TCAIM: variants seen among roughly 807,000 people sequenced by gnomAD.
TCAIM encodes the protein T-cell activation inhibitor, mitochondrial.
Under a neutral mutation model 58.6 loss-of-function variants are expected in TCAIM, and 36 were observed. That is an observed-to-expected ratio of 0.61 (90% CI 0.47 to 0.81). TCAIM has a LOEUF of 0.81. Among genes scored for constraint, TCAIM ranks in the 30% least tolerant of loss-of-function variants. The pLI, the probability that TCAIM is intolerant of heterozygous loss-of-function variation, is 0.00. For synonymous variants in TCAIM, 172 were observed against 193.6 expected, an observed-to-expected ratio of 0.89 and a Z score of 0.93; for missense variants, 466 against 579.6, an observed-to-expected ratio of 0.80 and a Z score of 2.01.
rs1271294092 is a variant in TCAIM at position 44,393,174 on chromosome 3, A to T, written c.695+197A>T. Among the ~76,000 whole-genome samples, 3 of 152,186 alleles carry T rather than the reference A, an allele frequency of 2.0e-5. No individual in the cohort carries two copies. The East Asian group carries it at 5.8e-4, about 29-fold the overall frequency. On this transcript the variant is annotated intron_variant, in intron 6 of 10. Transcript: ENST00000342649. ...AATTTCTTATTTTAAATACTGAAATAAGGCTGTGCACAGTGGCTCTTGCCT... is the reference window on the plus strand; with the variant it reads ...AATTTCTTATTTTAAATACTGAAATTAGGCTGTGCACAGTGGCTCTTGCCT...
intron 1 of TCAIM, among the ~76,000 whole-genome samples, chr3:44,351,208 C>T (rs931364042): frequency 2.6e-5 from 4 of 152,074 alleles, no homozygotes; most frequent in Admixed American, 6.5e-5. Context: ...AGGCTGGTCT[C>T]GAACTCCTGA....
In TCAIM at chr3:44,387,430, AG is replaced by A. The variant is rs150838669; in HGVS notation, c.573-5422del. 7.7e-3 allele frequency among the ~76,000 whole-genome samples: 1,171 copies of A among 152,346 alleles called. 15 individuals carry two copies. The highest frequency in any genetic ancestry group is 0.027 in the African/African-American group (1,129 of 41,580). On this transcript the variant is annotated intron_variant, in intron 5 of 10. Transcript: ENST00000342649. ...CACCTAGGTCTGGGCTCCCCAAACCAGGGCTGTGACACCCTCTTTGGGACCC... is the reference window on the plus strand; with the variant it reads ...CACCTAGGTCTGGGCTCCCCAAACCAGGCTGTGACACCCTCTTTGGGACCC...
chr3:44,343,419 T>G (rs1449850969), intron 1 of TCAIM, among the ~76,000 whole-genome samples: 1 of 152,200 alleles, frequency 6.6e-6, no homozygotes, highest in Non-Finnish European at 1.5e-5. Context: ...ATTTAAAATT[T>G]TCTAAAAACT....
chr3:44,400,212 T>C, intron 8 of TCAIM, 143 bp from the exon 9 acceptor site: 1 of 654,248 alleles, frequency 1.5e-6, no homozygotes, highest in Non-Finnish European at 2.5e-6. Context: ...TACATTAAGT[T>C]TTTTTATCTC....
intron 10 of TCAIM, among the ~76,000 whole-genome samples, chr3:44,402,526 C>T (rs1177544710): frequency 6.6e-6 from 1 of 152,122 alleles, no homozygotes; most frequent in Non-Finnish European, 1.5e-5. Flanking sequence ...TAAGATATTG[C>T]TTGATAATGT....
chr3:44,369,348 A>C (rs776279148), intron 5 of TCAIM, among the ~76,000 whole-genome samples: 1 of 152,240 alleles, frequency 6.6e-6, no homozygotes, highest in African/African-American at 2.4e-5. Context: ...GATTGAATAC[A>C]TCAAGCCAAA....
chr3:44,352,180 G>A (rs998822284), intron 1 of TCAIM, among the ~76,000 whole-genome samples: 2 of 151,410 alleles, frequency 1.3e-5, no homozygotes, highest in South Asian at 2.1e-4. Flanking sequence ...TTGAGAGAAC[G>A]TGCTACTCAG....
chr3:44,361,522 C>A lies in TCAIM; in HGVS notation c.319+4C>A, dbSNP rs758995122. The A allele has an allele frequency of 8.2e-6, 13 of 1,584,762 alleles. No homozygotes were observed. Among genetic ancestry groups the A allele is most frequent in the Non-Finnish European group, 1.0e-5 (12 of 1,169,618 alleles). ...CAGGAACCTTTTAGTACTTCCGGTA[C>A]GTTTTTTATTTCTGGTGTGTCCCTT... is the stretch of plus-strand genomic sequence containing the variant. On this transcript the variant is annotated splice_donor_region_variant and intron_variant, in intron 4 of 10. Coordinates refer to ENST00000342649, the MANE Select transcript of TCAIM (RefSeq NM_173826.4).
At chr3:44,387,116 G>A (rs904573328) in intron 5 of TCAIM, among the ~76,000 whole-genome samples, 6 of 152,188 alleles carry the variant, frequency 3.9e-5, no homozygotes, top group Admixed American at 6.5e-5. Flanking sequence ...GCGGGAAGGA[G>A]TTACCCACTT....
In TCAIM at chr3:44,382,692, G is replaced by A. The variant is rs111717747; in HGVS notation, c.573-10163G>A. Among the ~76,000 whole-genome samples, 475 of 152,240 alleles carry A rather than the reference G, an allele frequency of 3.1e-3. 1 individual carries two copies. Among genetic ancestry groups the A allele is most frequent in the African/African-American group, 0.011 (448 of 41,546 alleles). On this transcript the variant is annotated intron_variant, in intron 5 of 10. Transcript: ENST00000342649. ...TGACATTGGATTTGCCAGTGATTTC[G>A]TGGATATAACACCTAAAACACAGGC...
At chr3:44,358,315 GA>G in intron 3 of TCAIM, 2 of 835,440 alleles carry the variant, frequency 2.4e-6, no homozygotes, top group Non-Finnish European at 4.0e-6. Flanking sequence ...TGTGCTCCAG[GA>G]ATACAAACTG....
chr3:44,404,440 C>T (rs1158835596), intron 10 of TCAIM, among the ~76,000 whole-genome samples: 1 of 152,136 alleles, frequency 6.6e-6, no homozygotes, highest in East Asian at 1.9e-4. Context: ...TCACCTGCTT[C>T]CTTAGCCTTT....
chr3:44,394,939 T>A lies in TCAIM; in HGVS notation c.696-1461T>A, dbSNP rs866011135. On this transcript the variant is annotated intron_variant, in intron 6 of 10. Transcript: ENST00000342649. Reference sequence around the variant, plus strand: ...AAAAAAAAATATATATATATATATATATATATATATATATATATATGTATA... The same window carrying A: ...AAAAAAAAATATATATATATATATAAATATATATATATATATATATGTATA... 2.3e-3 allele frequency among the ~76,000 whole-genome samples: 224 copies of A among 99,064 alleles called. 1 individual carries two copies. The highest frequency in any genetic ancestry group is 5.4e-3 in the African/African-American group (120 of 22,340). 65.0% of individuals were successfully genotyped at this position (99,064 alleles called of 152,430 possible).
intron 8 of TCAIM, among the ~76,000 whole-genome samples, chr3:44,399,683 T>G (rs1351847967): frequency 6.6e-6 from 1 of 152,228 alleles, no homozygotes; most frequent in Non-Finnish European, 1.5e-5. Flanking sequence ...ATCCCTTACA[T>G]TCATGTGCCA....
At chr3:44,376,987 G>A (rs868057367) in intron 5 of TCAIM, among the ~76,000 whole-genome samples, 1 of 152,190 alleles carries the variant, frequency 6.6e-6, no homozygotes, top group African/African-American at 2.4e-5. Context: ...CTACTCGGGA[G>A]GCTGAGGCAG....
At chr3:44,396,863 C>T (rs1179846150) in intron 8 of TCAIM, 29 bp downstream of exon 8, 2 of 1,589,206 alleles carry the variant, frequency 1.3e-6, no homozygotes, top group South Asian at 2.2e-5. Context: ...ATTAAAAACT[C>T]CTTGTCATTC....
intron 10 of TCAIM, among the ~76,000 whole-genome samples, chr3:44,403,074 G>A (rs1020160920): frequency 1.3e-5 from 2 of 152,148 alleles, no homozygotes; most frequent in African/African-American, 4.8e-5. Context: ...TTTGAGACCA[G>A]CCTGGCCAAC....
chr3:44,370,017 AT>A, intron 5 of TCAIM, among the ~76,000 whole-genome samples: 1 of 152,200 alleles, frequency 6.6e-6, no homozygotes, highest in Non-Finnish European at 1.5e-5. Flanking sequence ...AAAATCTGCT[AT>A]TTTTAGTGAA....
intron 5 of TCAIM, among the ~76,000 whole-genome samples, chr3:44,379,470 C>T (rs1473566999): frequency 2.6e-5 from 4 of 152,086 alleles, no homozygotes; most frequent in Non-Finnish European, 5.9e-5. Flanking sequence ...GAATCAACCT[C>T]AATGCCCATC....
Sources: gnomAD v4.1 joint callset for allele counts (sites outside exome capture counted in the v4.1 genomes callset) on GRCh38, gnomAD v4.1.1 for gene constraint, MANE v1.5 for transcripts, NCBI Gene and HGNC (gene_info 2026-07-23, HGNC 2026-07-21) for gene names.